The following KIF13B variants were observed in gnomAD, a reference collection of about 807,000 sequenced individuals.
The protein encoded by KIF13B is kinesin family member 13B.
A neutral mutation model predicts 222.0 loss-of-function variants in KIF13B; 127 were observed. The observed-to-expected ratio is 0.57, with a 90% CI of 0.50 to 0.66. KIF13B has a LOEUF of 0.66. Ranked by LOEUF, KIF13B falls within the 30% of genes least tolerant of loss-of-function variation. The pLI is 0.00. For missense variants in KIF13B, 2,173 were observed against 2,379.0 expected (o/e 0.91, Z 1.80); for synonymous variants, 976 against 919.0 (o/e 1.06, Z -1.12).
intron 22 of KIF13B, among the ~76,000 whole-genome samples, chr8:29,133,447 T>A (rs1202143133): frequency 6.6e-6 from 1 of 152,018 alleles, no homozygotes; most frequent in South Asian, 2.1e-4. Flanking sequence ...AAAAATTAGC[T>A]GCGCATGGTG....
intron 11 of KIF13B, among the ~76,000 whole-genome samples, chr8:29,166,242 A>G (rs1327259744): frequency 6.6e-6 from 1 of 152,220 alleles, no homozygotes; most frequent in African/African-American, 2.4e-5. Context: ...AATTATTCCT[A>G]TAAAAACAGG....
At chr8:29,153,607 G>A (rs1811392905) in intron 14 of KIF13B, among the ~76,000 whole-genome samples, 1 of 150,756 alleles carries the variant, frequency 6.6e-6, no homozygotes. Context: ...TAAGATACAG[G>A]ATATCAAGTA....
At chr8:29,105,391 G>C (rs921310544) in intron 35 of KIF13B, among the ~76,000 whole-genome samples, 2 of 152,116 alleles carry the variant, frequency 1.3e-5, no homozygotes, top group Admixed American at 6.5e-5. Flanking sequence ...CTCCTTTCCT[G>C]CCTGTGTGGA....
At chr8:29,169,416 C>T (rs764280144) in intron 10 of KIF13B, among the ~76,000 whole-genome samples, 1 of 152,184 alleles carries the variant, frequency 6.6e-6, no homozygotes, top group African/African-American at 2.4e-5. Context: ...TTTGGTAACA[C>T]AGAGAAAGTT....
chr8:29,090,471 A>G (rs1808244439), intron 37 of KIF13B, among the ~76,000 whole-genome samples: 2 of 152,336 alleles, frequency 1.3e-5, no homozygotes, highest in South Asian at 4.1e-4. Flanking sequence ...AAGGGAAGTC[A>G]GGCGAAGGAA....
At chr8:29,235,571 C>G (rs1815471952) in intron 2 of KIF13B, among the ~76,000 whole-genome samples, 1 of 151,972 alleles carries the variant, frequency 6.6e-6, no homozygotes, top group African/African-American at 2.4e-5. Context: ...CACCAAAGAC[C>G]CAGGAAGAAG....
intron 2 of KIF13B, among the ~76,000 whole-genome samples, chr8:29,229,197 T>C (rs1815175090): frequency 6.6e-6 from 1 of 152,152 alleles, no homozygotes; most frequent in Non-Finnish European, 1.5e-5. Context: ...TGAATGTCTT[T>C]AGTTCTGATC....
intron 2 of KIF13B, among the ~76,000 whole-genome samples, chr8:29,236,883 A>G (rs1224158861): frequency 6.6e-6 from 1 of 151,878 alleles, no homozygotes; most frequent in Non-Finnish European, 1.5e-5. Flanking sequence ...CAAGATGCAC[A>G]ACAGAATAAC....
intron 1 of KIF13B, among the ~76,000 whole-genome samples, chr8:29,252,094 G>T (rs1042337810): frequency 6.6e-5 from 10 of 152,086 alleles, no homozygotes; most frequent in African/African-American, 1.2e-4. Context: ...AAAAAAGGAA[G>T]AAATTAATTT....
intron 37 of KIF13B, among the ~76,000 whole-genome samples, chr8:29,092,446 C>T (rs1808342739): frequency 6.6e-6 from 1 of 152,194 alleles, no homozygotes; most frequent in South Asian, 2.1e-4. Flanking sequence ...AATACACAAA[C>T]AATGCTAAGT....
chr8:29,232,741 A>G (rs1815340932), intron 2 of KIF13B, among the ~76,000 whole-genome samples: 1 of 152,152 alleles, frequency 6.6e-6, no homozygotes, highest in Non-Finnish European at 1.5e-5. Flanking sequence ...TGCTTTTTCC[A>G]GGATCCATCA....
At chr8:29,232,329 T>C (rs1815320878) in intron 2 of KIF13B, among the ~76,000 whole-genome samples, 1 of 150,180 alleles carries the variant, frequency 6.7e-6, no homozygotes, top group African/African-American at 2.4e-5. Context: ...CTTGGCACTT[T>C]GGGAAACCAA....
chr8:29,244,392 A>G (rs1815929342), intron 2 of KIF13B, among the ~76,000 whole-genome samples: 1 of 152,092 alleles, frequency 6.6e-6, no homozygotes, highest in South Asian at 2.1e-4. Flanking sequence ...TTCTAGAAGG[A>G]TTTATGAATC....
intron 12 of KIF13B, among the ~76,000 whole-genome samples, chr8:29,162,896 A>G (rs1177014258): frequency 6.6e-6 from 1 of 152,246 alleles, no homozygotes; most frequent in Non-Finnish European, 1.5e-5. Context: ...GTAAATATTT[A>G]GTCTTTGTGG....
chr8:29,183,927 G>A (rs1009864029), intron 6 of KIF13B, among the ~76,000 whole-genome samples: 2 of 152,160 alleles, frequency 1.3e-5, no homozygotes, highest in African/African-American at 4.8e-5. Flanking sequence ...AAGACAGCAA[G>A]AAGAGGATAG....
chr8:29,150,025 A>G (rs1335107111), intron 15 of KIF13B, among the ~76,000 whole-genome samples: 1 of 152,258 alleles, frequency 6.6e-6, no homozygotes, highest in Non-Finnish European at 1.5e-5. Context: ...ACCACACGGC[A>G]AAAGAATCAT....
chr8:29,256,750 TTTTGTTTG>T (rs111411821), intron 1 of KIF13B, among the ~76,000 whole-genome samples: 5 of 151,662 alleles, frequency 3.3e-5, no homozygotes, highest in Admixed American at 2.0e-4. Flanking sequence ...TTACTACTTT[TTTTGTTTG>T]TTTGTTTGTT....
At chr8:29,125,091 C>T (rs906267526) in intron 26 of KIF13B, among the ~76,000 whole-genome samples, 1 of 152,108 alleles carries the variant, frequency 6.6e-6, no homozygotes, top group East Asian at 1.9e-4. Flanking sequence ...AATTTATGTA[C>T]CTTAGAATAA....
At chr8:29,082,536 A>G (rs1197757465) in intron 37 of KIF13B, among the ~76,000 whole-genome samples, 1 of 152,102 alleles carries the variant, frequency 6.6e-6, no homozygotes, top group Non-Finnish European at 1.5e-5. Flanking sequence ...CAGCTACTCG[A>G]GAGGCTGAGA....
Sources: gnomAD v4.1 joint callset for allele counts (sites outside exome capture counted in the v4.1 genomes callset) on GRCh38, gnomAD v4.1.1 for gene constraint, MANE v1.5 for transcripts, NCBI Gene and HGNC (gene_info 2026-07-23, HGNC 2026-07-21) for gene names.